NELL2: variants seen among roughly 807,000 people sequenced by gnomAD.
NELL2 encodes neural EGFL like 2, also known as protein kinase C-binding protein NELL2.
A neutral mutation model predicts 109.6 loss-of-function variants in NELL2; 41 were observed. The ratio of observed to expected loss-of-function variants is 0.37; its 90% CI spans 0.29 to 0.49. The LOEUF is 0.49. NELL2 is among the 20% of genes least tolerant of loss of function. The probability of loss-of-function intolerance (pLI) is 0.98; values close to 1 mark genes in which losing one functional copy is unlikely to be tolerated. For missense variants in NELL2, 900 were observed against 1,008.3 expected, an observed-to-expected ratio of 0.89 and a Z score of 1.45; for synonymous variants, 355 against 344.7, an observed-to-expected ratio of 1.03 and a Z score of -0.33.
intron 15 of NELL2, among the ~76,000 whole-genome samples, chr12:44,571,077 A>T (rs1249068706): frequency 6.6e-6 from 1 of 152,158 alleles, no homozygotes; most frequent in African/African-American, 2.4e-5. Context: ...AAGAGAAAAA[A>T]GGCAGGTAGA....
chr12:44,917,294 G>T (rs555792147), upstream of NELL2, among the ~76,000 whole-genome samples: 1 of 152,200 alleles, frequency 6.6e-6, no homozygotes, highest in African/African-American at 2.4e-5. Context: ...ACATTATGAC[G>T]TAGAAAGAGC....
Position 44,776,131 on chromosome 12 carries a change from C to T in NELL2, c.782G>A (p.Arg261Gln), listed in dbSNP as rs1281551428. 2.0e-5 allele frequency: 33 copies of T among 1,613,598 alleles called. No homozygotes were observed. The highest frequency in any genetic ancestry group is 5.0e-5 in the Admixed American group (3 of 59,918). Residue 261 changes from arginine (R) to glutamine (Q), a missense_variant, in exon 8 of 20, where the codon CGA (arginine) becomes CAA (glutamine). By Grantham distance (43) the Arg-to-Gln change is conservative. Around this residue, in one of 4 missense-constraint regions of NELL2, gnomAD observed 75 missense variants for 118.9 expected, o/e 0.63. Transcript: ENST00000429094. ...TSAKLSRAEQ[R>Q]MNRLDQCYCE... is the part of the protein sequence containing the mutation. Reference sequence around the variant, plus strand: ...ATAGCACTGATCCAATCTATTCATTCGCTGTTCAGCTCGAGACAGCTGTGG... The same window carrying T: ...ATAGCACTGATCCAATCTATTCATTTGCTGTTCAGCTCGAGACAGCTGTGG...
chr12:44,878,224 T>G (rs1415477493), upstream of NELL2, among the ~76,000 whole-genome samples: 3 of 152,148 alleles, frequency 2.0e-5, no homozygotes, highest in African/African-American at 7.2e-5. Flanking sequence ...CCATACACAC[T>G]GAGGCTCCCT....
At chr12:44,887,791 C>T (rs1285900842) in intron 1 of NELL2, among the ~76,000 whole-genome samples, 4 of 151,832 alleles carry the variant, frequency 2.6e-5, no homozygotes, top group Admixed American at 6.6e-5. Flanking sequence ...TTGTCTCTTT[C>T]GTTTTGTTGA....
intron 9 of NELL2, among the ~76,000 whole-genome samples, chr12:44,739,405 C>T (rs574829744): frequency 2.0e-5 from 3 of 152,222 alleles, no homozygotes; most frequent in African/African-American, 7.2e-5. Flanking sequence ...GTCAAAATAG[C>T]TTGTAGTGGC....
At chr12:44,539,847 G>A (rs555751373) in intron 15 of NELL2, among the ~76,000 whole-genome samples, 24 of 152,266 alleles carry the variant, frequency 1.6e-4, no homozygotes, top group African/African-American at 5.3e-4. Context: ...ATAAACACAT[G>A]CTGAATGAAT....
At chr12:44,703,069 C>A (rs950313579) in intron 12 of NELL2, among the ~76,000 whole-genome samples, 1 of 152,178 alleles carries the variant, frequency 6.6e-6, no homozygotes, top group Non-Finnish European at 1.5e-5. Context: ...AGGAATGATT[C>A]AAATCCATAC....
intron 13 of NELL2, among the ~76,000 whole-genome samples, chr12:44,655,482 G>C (rs1221518870): frequency 6.6e-6 from 1 of 152,226 alleles, no homozygotes; most frequent in African/African-American, 2.4e-5. Flanking sequence ...CTTTGAGCCT[G>C]TTCCATTTTG....
At chr12:44,783,433 G>A (rs1434310625) in intron 3 of NELL2, among the ~76,000 whole-genome samples, 3 of 151,352 alleles carry the variant, frequency 2.0e-5, no homozygotes, top group African/African-American at 4.9e-5. Context: ...ACCACAAGCT[G>A]GTTCTTTGAA....
rs1566581033 is a variant in NELL2, at chr12:44,876,270, C to CCCGTCTTCCCCGCACCCG, written c.-402_-401insCGGGTGCGGGGAAGACGG. The stretch of plus-strand genomic sequence containing the variant: ...CCCGGGCTGGGGCGGCCCCGCACCC[C>CCCGTCTTCCCCGCACCCG]CCCGTCTTCCCCGCCGCCCGAACCT... On this transcript the variant is annotated 5_prime_UTR_variant, in exon 1 of 20. Coordinates refer to ENST00000429094, the MANE Select transcript of NELL2 (RefSeq NM_001145108.2). The CCCGTCTTCCCCGCACCCG allele has an allele frequency of 1.7e-5, 20 of 1,155,692 alleles. No individual in the cohort carries two copies. The East Asian group carries it at 8.1e-4, about 47-fold the overall frequency. The allele number at this position is 1,155,692 out of a possible 1,614,324, so 71.6% of individuals were successfully genotyped here. A position where few individuals can be genotyped will look rare whatever the true frequency, so the allele number is the denominator to read the frequency against.
chr12:44,591,446 TA>T (rs1443378872), intron 15 of NELL2, among the ~76,000 whole-genome samples: 1 of 148,954 alleles, frequency 6.7e-6, no homozygotes, highest in African/African-American at 2.5e-5. Context: ...TACTCAGCCA[TA>T]AAAAGGAAGA....
intron 2 of NELL2, among the ~76,000 whole-genome samples, chr12:44,843,116 A>G (rs1172084182): frequency 1.3e-5 from 2 of 152,172 alleles, no homozygotes; most frequent in Non-Finnish European, 2.9e-5. Context: ...ACAAATAGCC[A>G]AGCTACATAT....
intron 1 of NELL2, among the ~76,000 whole-genome samples, chr12:44,920,106 G>A (rs558815445): frequency 9.2e-5 from 14 of 152,130 alleles, no homozygotes; most frequent in Non-Finnish European, 8.8e-5. Context: ...AGAATAATTT[G>A]GAAGTTATGT....
At chr12:44,842,950 C>T (rs1944271194) in intron 2 of NELL2, among the ~76,000 whole-genome samples, 1 of 152,106 alleles carries the variant, frequency 6.6e-6, no homozygotes, top group Admixed American at 6.5e-5. Context: ...AGAAAGGACT[C>T]CTCAGAGGAA....
chr12:44,738,797 A>G (rs933397820), intron 9 of NELL2, among the ~76,000 whole-genome samples: 1 of 152,234 alleles, frequency 6.6e-6, no homozygotes, highest in Non-Finnish European at 1.5e-5. Context: ...AAACGTGCTA[A>G]GAAAGTAGAT....
In NELL2 at chr12:44,583,340, G is replaced by A. The variant is rs74078474; in HGVS notation, c.1663+23829C>T. 7.3e-3 allele frequency among the ~76,000 whole-genome samples: 1,118 copies of A among 152,132 alleles called. 9 individuals are homozygous for A. Among genetic ancestry groups the A allele is most frequent in the African/African-American group, 0.026 (1,076 of 41,502 alleles). ...GTCACATTAGTCTATTTTATTTTCC[G>A]TATAGTACTTGATGCTACAAATTAT... On this transcript the variant is annotated intron_variant, in intron 15 of 19. Coordinates refer to ENST00000429094, the MANE Select transcript of NELL2 (RefSeq NM_001145108.2).
At chr12:44,777,196 C>T (rs1226259085) in intron 6 of NELL2, 46 bp downstream of exon 6, 1 of 1,607,800 alleles carries the variant, frequency 6.2e-7, no homozygotes, top group Non-Finnish European at 8.5e-7. Flanking sequence ...TCTATGCTGA[C>T]AAGTAATATA....
intron 3 of NELL2, among the ~76,000 whole-genome samples, chr12:44,807,838 AAG>A (rs1311608132): frequency 6.6e-6 from 1 of 152,070 alleles, no homozygotes; most frequent in African/African-American, 2.4e-5. Context: ...CAGGAGCACC[AAG>A]TTGGTTTCCA....
At chr12:44,636,184 C>A (rs1402269833) in intron 13 of NELL2, among the ~76,000 whole-genome samples, 1 of 152,054 alleles carries the variant, frequency 6.6e-6, no homozygotes, top group Non-Finnish European at 1.5e-5. Context: ...GAGATTTTTG[C>A]TGAGATGATG....
Sources: gnomAD v4.1 joint callset for allele counts (sites outside exome capture counted in the v4.1 genomes callset) on GRCh38, gnomAD v4.1.1 for gene constraint, gnomAD v4.1.1 regional missense constraint, MANE v1.5 for transcripts, NCBI Gene and HGNC (gene_info 2026-07-23, HGNC 2026-07-21) for gene names.